Variants in ABCA12 observed in about 807,000 individuals in gnomAD.
ABCA12 encodes ATP binding cassette subfamily A member 12, also known as glucosylceramide transporter ABCA12.
Under a neutral mutation model 293.5 loss-of-function variants are expected in ABCA12, and 156 were observed. The observed-to-expected ratio is 0.53, with a 90% CI of 0.47 to 0.61. The LOEUF is 0.61. Among genes scored for constraint, ABCA12 ranks in the 20% least tolerant of loss-of-function variants. The pLI, the probability that ABCA12 is intolerant of heterozygous loss-of-function variation, is 0.00. For synonymous variants in ABCA12, 1,063 were observed against 1,108.0 expected (o/e 0.96, Z 0.81); for missense variants, 2,797 against 3,090.2 (o/e 0.91, Z 2.25).
At chr2:215,039,721 C>G (rs941234382) in intron 7 of ABCA12, among the ~76,000 whole-genome samples, 2 of 151,826 alleles carry the variant, frequency 1.3e-5, no homozygotes, top group African/African-American at 4.8e-5. Context: ...CGCCACTGCA[C>G]TCCAGCCTGG....
At chr2:215,091,046 TCTGA>T (rs1027514719) in intron 2 of ABCA12, among the ~76,000 whole-genome samples, 15 of 152,042 alleles carry the variant, frequency 9.9e-5, no homozygotes, top group African/African-American at 3.6e-4. Context: ...GGGCAAATGG[TCTGA>T]GGTGCCTGAC....
intron 2 of ABCA12, among the ~76,000 whole-genome samples, chr2:215,089,089 T>A (rs1559187420): frequency 1.3e-5 from 2 of 152,220 alleles, no homozygotes; most frequent in East Asian, 3.9e-4. Flanking sequence ...GGTCAGAACA[T>A]TCTCCTGGAG....
At position 215,019,394 on chromosome 2, in the gene ABCA12, T is replaced by C; in HGVS notation, c.1599A>G (p.Ile533Met). ...MNYLENITQL[I>M]PIIEAMLHVN... ...CATGCAGCATGGCTTCTATGATCGG[T>C]ATTAACTGAGTGATATTTTCCAAGT... Residue 533 changes from isoleucine (I) to methionine (M), a missense_variant, in exon 13 of 53, where the codon ATA (isoleucine) becomes ATG (methionine). Transcript: ENST00000272895. 1 of 1,613,570 alleles carries C rather than the reference T, an allele frequency of 6.2e-7. No individual in the cohort carries two copies. Among genetic ancestry groups the C allele is most frequent in the South Asian group, 1.1e-5 (1 of 91,046 alleles).
intron 3 of ABCA12, among the ~76,000 whole-genome samples, chr2:215,058,746 T>A (rs1701471670): frequency 6.6e-6 from 1 of 151,996 alleles, no homozygotes; most frequent in Non-Finnish European, 1.5e-5. Context: ...ATAGTGAAGA[T>A]GTAGATTCTG....
chr2:215,073,026 C>T (rs748337248), intron 2 of ABCA12, among the ~76,000 whole-genome samples: 6 of 151,950 alleles, frequency 3.9e-5, no homozygotes, highest in African/African-American at 7.3e-5. Context: ...ACCCAGGAGG[C>T]GGAGGTTGCA....
At chr2:214,952,160 A>G (rs887806937) in intron 44 of ABCA12, among the ~76,000 whole-genome samples, 2 of 151,768 alleles carry the variant, frequency 1.3e-5, no homozygotes, top group African/African-American at 4.8e-5. Context: ...GTTTCTTCTA[A>G]TCTTCCTTAT....
intron 3 of ABCA12, among the ~76,000 whole-genome samples, chr2:215,057,560 T>G (rs543763775): frequency 6.6e-6 from 1 of 151,186 alleles, no homozygotes; most frequent in African/African-American, 2.4e-5. Flanking sequence ...CCCAGAGCCG[T>G]GTAACCCCTT....
intron 9 of ABCA12, among the ~76,000 whole-genome samples, chr2:215,028,141 A>G (rs1700790418): frequency 6.6e-6 from 1 of 152,230 alleles, no homozygotes; most frequent in Non-Finnish European, 1.5e-5. Flanking sequence ...TGTACAATAC[A>G]CAAATTAACT....
intron 6 of ABCA12, 34 bp from the exon 7 acceptor site, chr2:215,046,049 A>C (rs749686601): frequency 1.3e-6 from 2 of 1,599,164 alleles, no homozygotes; most frequent in African/African-American, 2.7e-5. Flanking sequence ...GAGCAAAATG[A>C]GACTTTAACA....
chr2:215,082,812 C>G (rs1358731107), intron 2 of ABCA12: 23 of 152,204 alleles, frequency 1.5e-4, no homozygotes, highest in Non-Finnish European at 1.6e-4. Flanking sequence ...TTTTCAATTA[C>G]TGTAATAATA....
rs781442244 is a variant in ABCA12 at position 215,000,849 on chromosome 2, G to A, written c.3035C>T (p.Ser1012Leu). The A allele has an allele frequency of 3.1e-6, 5 of 1,614,180 alleles. No individual in the cohort carries two copies. The Admixed American group carries it at 6.7e-5, about 22-fold the overall frequency. Residue 1012 changes from serine (S) to leucine (L), a missense_variant, in exon 22 of 53, where the codon TCA becomes TTA. Ser to Leu is a moderately radical substitution (Grantham distance 145, BLOSUM62 -2). Around this residue, in one of 3 missense-constraint regions of ABCA12, gnomAD observed 2,130 missense variants for 2,427.0 expected, o/e 0.88. Coordinates refer to ENST00000272895, the MANE Select transcript of ABCA12 (RefSeq NM_173076.3). ...AGCCCTGCCATAGATCTGGTTGTGT[G>A]ATGGAGAATTGTGTGGCCCTGGAGC... ...IWAPGPHNSP[S>L]HNQIYGRAFI...
chr2:214,954,571 T>C (rs1278426841), intron 43 of ABCA12, among the ~76,000 whole-genome samples: 3 of 152,162 alleles, frequency 2.0e-5, no homozygotes, highest in Non-Finnish European at 2.9e-5. Flanking sequence ...AATAGCTCAT[T>C]TTCACATTAT....
chr2:215,118,206 A>C (rs542515610), intron 1 of ABCA12, among the ~76,000 whole-genome samples: 1 of 152,308 alleles, frequency 6.6e-6, no homozygotes, highest in East Asian at 1.9e-4. Flanking sequence ...GTTTGAGACC[A>C]GCCTGGCCAA....
intron 1 of ABCA12, among the ~76,000 whole-genome samples, chr2:215,120,367 A>G (rs1702780935): frequency 6.6e-6 from 1 of 152,190 alleles, no homozygotes; most frequent in Non-Finnish European, 1.5e-5. Flanking sequence ...ACAATCCTGC[A>G]CATATACTTC....
At chr2:214,951,596 A>T (rs1329758573) in intron 44 of ABCA12, among the ~76,000 whole-genome samples, 1 of 152,134 alleles carries the variant, frequency 6.6e-6, no homozygotes, top group Non-Finnish European at 1.5e-5. Flanking sequence ...GTCTCTACTA[A>T]AAATACAAAA....
intron 42 of ABCA12, among the ~76,000 whole-genome samples, chr2:214,956,399 C>T (rs763000501): frequency 2.0e-5 from 3 of 152,156 alleles, no homozygotes; most frequent in African/African-American, 2.4e-5. Context: ...AATGAGATCA[C>T]ATATGTAAAT....
chr2:214,949,375 T>C (rs112465659), intron 45 of ABCA12, among the ~76,000 whole-genome samples: 4,960 of 148,162 alleles, frequency 0.033, 245 homozygotes, highest in African/African-American at 0.11. Context: ...TATATATATA[T>C]ATACACACAC....
chr2:214,947,924 C>A, intron 47 of ABCA12: 1 of 293,932 alleles, frequency 3.4e-6, no homozygotes, highest in Non-Finnish European at 6.6e-6. Flanking sequence ...GTTACCCCTG[C>A]GTCCTCTTTC....
At chr2:214,966,267 G>A (rs936445292) in intron 39 of ABCA12, among the ~76,000 whole-genome samples, 5 of 152,150 alleles carry the variant, frequency 3.3e-5, no homozygotes, top group African/African-American at 9.7e-5. Context: ...GAGAGCATCC[G>A]GAAGAATAGC....
Sources: gnomAD v4.1 joint callset for allele counts (sites outside exome capture counted in the v4.1 genomes callset) on GRCh38, gnomAD v4.1.1 for gene constraint, gnomAD v4.1.1 regional missense constraint, MANE v1.5 for transcripts, NCBI Gene and HGNC (gene_info 2026-07-23, HGNC 2026-07-21) for gene names.